The following CDK15 variants were observed in gnomAD, a reference collection of about 807,000 sequenced individuals.
CDK15 encodes the protein cyclin dependent kinase 15, also known as cyclin-dependent kinase 15.
In CDK15, 62 loss-of-function variants were observed where a neutral mutation model predicts 60.3. The observed-to-expected ratio is 1.03, with a 90% confidence interval of 0.84 to 1.27. The LOEUF is 1.27. CDK15 is among the 50% of genes most tolerant of loss of function. CDK15 has a pLI of 0.00. For missense variants in CDK15, 541 were observed against 527.8 expected (o/e 1.03, Z -0.25); for synonymous variants, 194 against 195.7 (o/e 0.99, Z 0.07).
intron 10 of CDK15, 112 bp downstream of exon 10, chr2:201,855,049 A>G (rs1698087157): frequency 2.2e-6 from 2 of 890,018 alleles, no homozygotes; most frequent in Admixed American, 1.9e-5. Context: ...AGATGGGTGT[A>G]GAGGAATTTC....
chr2:201,840,529 A>G (rs1697331522), intron 8 of CDK15, among the ~76,000 whole-genome samples: 1 of 152,104 alleles, frequency 6.6e-6, no homozygotes, highest in Non-Finnish European at 1.5e-5. Context: ...AATAATTTTC[A>G]TTTCTCCTGA....
Position 201,835,628 on chromosome 2 carries a change from T to A in CDK15, c.731-15T>A. 6.3e-7 allele frequency: 1 copy of A among 1,598,640 alleles called. No individual in the cohort carries two copies. Among genetic ancestry groups the A allele is most frequent in the South Asian group, 1.1e-5 (1 of 89,460 alleles). ...GTCCAGAACGATGGGTTTTATGCTT[T>A]TCCCTTTTGGACAGGTCTTGCCCGG... is the stretch of plus-strand genomic sequence containing the variant. On this transcript the variant is annotated splice_polypyrimidine_tract_variant and intron_variant, in intron 7 of 13. Coordinates refer to ENST00000652192, the MANE Select transcript of CDK15 (RefSeq NM_001366386.2).
intron 6 of CDK15, among the ~76,000 whole-genome samples, chr2:201,826,857 A>G (rs1245368246): frequency 6.6e-6 from 1 of 152,270 alleles, no homozygotes; most frequent in Non-Finnish European, 1.5e-5. Context: ...CCAGATACAT[A>G]TATATTTCTT....
intron 8 of CDK15, among the ~76,000 whole-genome samples, chr2:201,839,417 A>G (rs1341468290): frequency 6.6e-6 from 1 of 152,180 alleles, no homozygotes; most frequent in African/African-American, 2.4e-5. Context: ...AATGTAATGC[A>G]TGGTCCTAGA....
rs1023731215 is a variant in CDK15, at chr2:201,895,015, G to A, written c.*1748G>A. On this transcript the variant is annotated 3_prime_UTR_variant, in exon 14 of 14. Transcript: ENST00000652192. The stretch of plus-strand genomic sequence containing the variant: ...AATAGTATAATTTCGCTGTCCCCCA[G>A]AGATAATGCTAGTACCAATCGAAAG... 1 of 152,188 alleles carries A rather than the reference G, an allele frequency of 6.6e-6. No individual in the cohort carries two copies. The highest frequency in any genetic ancestry group is 2.4e-5 in the African/African-American group (1 of 41,442). The allele number at this position is 152,188 out of a possible 1,614,324, so 9.4% of individuals were successfully genotyped here.
chr2:201,888,388 A>G, intron 12 of CDK15: 1 of 1,511,974 alleles, frequency 6.6e-7, no homozygotes, highest in Non-Finnish European at 8.8e-7. Context: ...TGTCCTGCCG[A>G]CTGTCTAGAT....
At chr2:201,812,411 A>G (rs962404872) in intron 3 of CDK15, 72 bp from the exon 4 acceptor site, 3 of 903,650 alleles carry the variant, frequency 3.3e-6, no homozygotes, top group Non-Finnish European at 5.3e-6. Context: ...GCTTTTGTTA[A>G]GCCATCTTTG....
At chr2:201,821,713 C>T (rs1054446111) in intron 4 of CDK15, among the ~76,000 whole-genome samples, 3 of 152,160 alleles carry the variant, frequency 2.0e-5, no homozygotes, top group African/African-American at 7.2e-5. Flanking sequence ...CTCTGTCACC[C>T]AGGCCAGAGT....
At chr2:201,885,973 T>A (rs1699437340) in intron 12 of CDK15, among the ~76,000 whole-genome samples, 1 of 152,184 alleles carries the variant, frequency 6.6e-6, no homozygotes, top group Non-Finnish European at 1.5e-5. Context: ...GAGCCAAGAT[T>A]TTACTTCAAA....
chr2:201,878,666 TTAAC>T (rs888894412), intron 11 of CDK15, among the ~76,000 whole-genome samples: 2 of 152,156 alleles, frequency 1.3e-5, no homozygotes, highest in African/African-American at 4.8e-5. Context: ...ACAAAATACC[TTAAC>T]TGAGTGATTG....
chr2:201,816,781 G>T (rs1215336269), intron 4 of CDK15, among the ~76,000 whole-genome samples: 1 of 151,998 alleles, frequency 6.6e-6, no homozygotes. Flanking sequence ...CAGGGCCTGG[G>T]GGGAGGCAGC....
intron 6 of CDK15, among the ~76,000 whole-genome samples, chr2:201,826,569 G>C (rs568406237): frequency 1.3e-5 from 2 of 151,754 alleles, no homozygotes; most frequent in African/African-American, 4.8e-5. Context: ...CAAAGGTACA[G>C]AGTAGGGAAA....
rs5837791 is a variant in CDK15 at position 201,814,949 on chromosome 2, A to ATT, written c.448+2405_448+2406dup. Among the ~76,000 whole-genome samples, 290 of 124,890 alleles carry ATT rather than the reference A, an allele frequency of 2.3e-3. 1 individual carries two copies. The highest frequency in any genetic ancestry group is 8.2e-3 in the African/African-American group (280 of 34,140). The allele number at this position is 124,890 out of a possible 152,430, so 81.9% of individuals were successfully genotyped here. A position where few individuals can be genotyped will look rare whatever the true frequency, so the allele number is the denominator to read the frequency against. ...AAAAGTATGAACAGCACTAAGGAAC[A>ATT]TTTTTTTTTTTTTTTTTTTGAGACG... On this transcript the variant is annotated intron_variant, in intron 4 of 13. Transcript: ENST00000652192.
rs1368816518 is a variant in CDK15, at chr2:201,837,443, AAGGAAAGGAAGGAAGGAAGG to A, written c.851+1682_851+1701del. Among the ~76,000 whole-genome samples the A allele has an allele frequency of 7.3e-5, 5 of 68,250 alleles. 1 individual carries two copies. The highest frequency in any genetic ancestry group is 4.4e-4 in the Admixed American group (3 of 6,888). 44.8% of individuals were successfully genotyped at this position (68,250 alleles called of 152,430 possible). ...GAGGGAGGGAGGAAGGGAAGGAAGGAAGGAAAGGAAGGAAGGAAGGAAGGAAGGAAGGAAGGAAGGAAGGA... is the reference window on the plus strand; with the variant it reads ...GAGGGAGGGAGGAAGGGAAGGAAGGAAAGGAAGGAAGGAAGGAAGGAAGGA... On this transcript the variant is annotated intron_variant, in intron 8 of 13. Transcript: ENST00000652192.
At position 201,854,937 on chromosome 2, in the gene CDK15, G is replaced by C. The variant is rs1698082951; in HGVS notation, c.1009G>C (p.Glu337Gln). 1.2e-6 allele frequency: 2 copies of C among 1,613,750 alleles called. No homozygotes were observed. Among genetic ancestry groups the C allele is most frequent in the East Asian group, 2.2e-5 (1 of 44,878 alleles). The change falls in exon 10 of 14, where the codon GAA (glutamate) becomes CAA (glutamine). Residue 337 changes from glutamate to glutamine, a missense_variant and splice_region_variant. Transcript: ENST00000652192. ...CTCCAAGCTACCTAACTACAATCCA[G>C]GTAATATTGATCTGAGCTTCTGAAT... ...GVSKLPNYNP[E>Q]WFPLPTPRSL...
intron 5 of CDK15, 138 bp from the exon 6 acceptor site, chr2:201,823,527 T>C: frequency 1.4e-6 from 1 of 738,658 alleles, no homozygotes; most frequent in South Asian, 1.6e-5. Context: ...GAAAACCTGG[T>C]TATATTCCTT....
intron 10 of CDK15, among the ~76,000 whole-genome samples, chr2:201,856,519 C>T (rs1698150998): frequency 6.6e-6 from 1 of 152,174 alleles, no homozygotes; most frequent in African/African-American, 2.4e-5. Context: ...GTGCCTATTT[C>T]CATTGGTCTG....
intron 13 of CDK15, among the ~76,000 whole-genome samples, chr2:201,891,436 G>T (rs1402642114): frequency 6.6e-6 from 1 of 152,196 alleles, no homozygotes; most frequent in African/African-American, 2.4e-5. Context: ...ATTTTGTCCT[G>T]GTAAGGGTAA....
intron 4 of CDK15, among the ~76,000 whole-genome samples, chr2:201,821,325 C>T (rs982455655): frequency 2.6e-5 from 4 of 151,980 alleles, no homozygotes; most frequent in African/African-American, 9.7e-5. Flanking sequence ...GAGGCCGGGT[C>T]AGTTCCACCA....
Sources: gnomAD v4.1 joint callset for allele counts (sites outside exome capture counted in the v4.1 genomes callset) on GRCh38, gnomAD v4.1.1 for gene constraint, MANE v1.5 for transcripts, NCBI Gene and HGNC (gene_info 2026-07-23, HGNC 2026-07-21) for gene names.